Variants in ZNF280B observed in about 807,000 individuals in gnomAD.
The protein encoded by ZNF280B is zinc finger protein 280B, also known as suppressor of hairy wing homolog 2.
In ZNF280B, 16 loss-of-function variants were observed where a neutral mutation model predicts 38.0. The ratio of observed to expected loss-of-function variants is 0.42; its 90% CI spans 0.28 to 0.64. The LOEUF is 0.64. ZNF280B is among the 30% of genes least tolerant of loss of function. The pLI, the probability that ZNF280B is intolerant of heterozygous loss-of-function variation, is 0.21. For synonymous variants in ZNF280B, 253 were observed against 230.6 expected (o/e 1.10, Z -0.88); for missense variants, 581 against 639.6 (o/e 0.91, Z 0.99).
At position 22,489,023 on chromosome 22, in the gene ZNF280B, A is replaced by C; in HGVS notation, c.376T>G (p.Tyr126Asp). 6.2e-7 allele frequency: 1 copy of C among 1,613,836 alleles called. No individual in the cohort carries two copies. The highest frequency in any genetic ancestry group is 8.5e-7 in the Non-Finnish European group (1 of 1,179,954). The change falls in exon 4 of 4, where the codon TAT (tyrosine) becomes GAT (aspartate). Residue 126 changes from tyrosine (Y) to aspartate (D), a missense_variant. Physicochemically the swap from Tyr to Asp is radical, Grantham distance 160. Coordinates refer to ENST00000626650, the MANE Select transcript of ZNF280B (RefSeq NM_080764.4). ...IIIEPLSKPD[Y>D]RNSSPQVVPN... is the part of the protein sequence containing the mutation. ...ACAACTTGTGGTGAACTATTTCTAT[A>C]ATCAGGTTTAGACAAAGGCTCAATA...
chr22:22,492,587 T>C (rs2061616723), intron 3 of ZNF280B, among the ~76,000 whole-genome samples: 1 of 151,906 alleles, frequency 6.6e-6, no homozygotes. Flanking sequence ...TCTAACATCC[T>C]CTCTAAAGAA....
At position 22,488,493 on chromosome 22, in the gene ZNF280B, C is replaced by T. The variant is rs1483721058; in HGVS notation, c.906G>A (p.Lys302=). 4 of 1,613,772 alleles carry T rather than the reference C, an allele frequency of 2.5e-6. No individual in the cohort carries two copies. The highest frequency in any genetic ancestry group is 1.3e-5 in the African/African-American group (1 of 74,868). ...QHKGEGQPEQ[K]THTTFKCLSC... ...TGAGGCATTTAAAGGTGGTGTGAGT[C>T]TTCTGTTCCGGCTGCCCTTCTCCTT... The change falls in exon 4 of 4, where the codon AAG becomes AAA. Residue 302 remains lysine, a synonymous_variant. Coordinates refer to ENST00000626650, the MANE Select transcript of ZNF280B (RefSeq NM_080764.4).
chr22:22,508,645 G>A lies in ZNF280B; in HGVS notation c.-248+14C>T, dbSNP rs1255923693. 1 of 151,954 alleles carries A rather than the reference G, an allele frequency of 6.6e-6. No homozygotes were observed. The highest frequency in any genetic ancestry group is 1.5e-5 in the Non-Finnish European group (1 of 68,084). 9.4% of individuals were successfully genotyped at this position (151,954 alleles called of 1,614,324 possible). On this transcript the variant is annotated intron_variant, in intron 1 of 3. Coordinates refer to ENST00000626650, the MANE Select transcript of ZNF280B (RefSeq NM_080764.4). ...TCAGGGAACGCTGAAGCCGCGCCACGCCCCCGTCCTTACCAGTCCGGATCA... is the reference window on the plus strand; with the variant it reads ...TCAGGGAACGCTGAAGCCGCGCCACACCCCCGTCCTTACCAGTCCGGATCA...
chr22:22,491,457 C>CTTTTTTTTTTTTTTTTTTTT (rs55720546), intron 3 of ZNF280B, among the ~76,000 whole-genome samples: 1 of 113,980 alleles, frequency 8.8e-6, no homozygotes, highest in African/African-American at 3.0e-5. Context: ...TGTCTTTTTT[C>CTTTTTTTTTTTTTTTTTTTT]TTTTTTTTTT....
intron 2 of ZNF280B, among the ~76,000 whole-genome samples, chr22:22,498,867 G>A (rs546346632): frequency 1.6e-5 from 2 of 128,560 alleles, no homozygotes; most frequent in East Asian, 2.3e-4. Flanking sequence ...GCGTGATCTC[G>A]GCTCACTACA....
intron 2 of ZNF280B, among the ~76,000 whole-genome samples, chr22:22,498,792 C>CTTTTTTTT (rs1379100253): frequency 4.0e-5 from 2 of 50,470 alleles, no homozygotes; most frequent in Non-Finnish European, 7.1e-5. Context: ...AGGCCAATAT[C>CTTTTTTTT]CTTTTTTTTT....
chr22:22,504,647 C>T (rs561491989), intron 2 of ZNF280B, among the ~76,000 whole-genome samples: 2 of 152,048 alleles, frequency 1.3e-5, no homozygotes, highest in African/African-American at 4.8e-5. Context: ...CAAACATACA[C>T]ATTTGATGTT....
intron 2 of ZNF280B, among the ~76,000 whole-genome samples, chr22:22,500,647 G>A (rs2061797735): frequency 1.3e-5 from 2 of 151,890 alleles, no homozygotes; most frequent in African/African-American, 4.8e-5. Context: ...TCTGAGGTCA[G>A]GAGTTCGAGA....
chr22:22,507,516 A>G (rs1281137672), intron 2 of ZNF280B, among the ~76,000 whole-genome samples: 1 of 151,596 alleles, frequency 6.6e-6, no homozygotes, highest in Non-Finnish European at 1.5e-5. Context: ...GGTAGGATAA[A>G]AGGAGTCAGC....
At chr22:22,490,987 T>C (rs780380411) in intron 3 of ZNF280B, among the ~76,000 whole-genome samples, 1 of 151,862 alleles carries the variant, frequency 6.6e-6, no homozygotes, top group Non-Finnish European at 1.5e-5. Context: ...CAAAGCCCTA[T>C]CACCATTTAA....
chr22:22,504,045 GATTA>G (rs1300247770), intron 2 of ZNF280B, among the ~76,000 whole-genome samples: 1 of 151,944 alleles, frequency 6.6e-6, no homozygotes, highest in African/African-American at 2.4e-5. Flanking sequence ...CCAAATAACT[GATTA>G]ATTTACACAC....
chr22:22,486,586 TC>T lies in ZNF280B; in HGVS notation c.*1180del, dbSNP rs1171433630. On this transcript the variant is annotated 3_prime_UTR_variant, in exon 4 of 4. Coordinates refer to ENST00000626650, the MANE Select transcript of ZNF280B (RefSeq NM_080764.4). ...GGAATGAATCAAATTCACCTTTAGA[TC>T]ACAGAACAGGAAGTCAGCTAGTACC... is the stretch of plus-strand genomic sequence containing the variant. 1 of 152,280 alleles carries T rather than the reference TC, an allele frequency of 6.6e-6. No homozygotes were observed. The highest frequency in any genetic ancestry group is 1.5e-5 in the Non-Finnish European group (1 of 68,030). 9.4% of individuals were successfully genotyped at this position (152,280 alleles called of 1,614,324 possible).
At chr22:22,507,005 C>T (rs1239647963) in intron 2 of ZNF280B, among the ~76,000 whole-genome samples, 1 of 151,886 alleles carries the variant, frequency 6.6e-6, no homozygotes, top group African/African-American at 2.4e-5. Context: ...GAAATTAGGT[C>T]ATAAAGACTC....
In ZNF280B at chr22:22,489,266, T is replaced by C. The variant is rs766234371; in HGVS notation, c.133A>G (p.Ile45Val). 1 of 1,613,866 alleles carries C rather than the reference T, an allele frequency of 6.2e-7. No individual in the cohort carries two copies. Among genetic ancestry groups the C allele is most frequent in the South Asian group, 1.1e-5 (1 of 91,072 alleles). Residue 45 changes from isoleucine (I) to valine (V), a missense_variant, in exon 4 of 4, where the codon ATC becomes GTC. By Grantham distance (29) the Ile-to-Val change is conservative. Transcript: ENST00000626650. Reference protein sequence around the residue: ...VEHVNEDAELIFVGVTSNSKP... With the variant: ...VEHVNEDAELVFVGVTSNSKP... ...GAATTTGAAGTCACCCCAACAAAGA[T>C]TAGCTCAGCATCTTCATTTACATGT...
Position 22,488,825 on chromosome 22 carries a change from C to T in ZNF280B, c.574G>A (p.Asp192Asn), listed in dbSNP as rs2061538855. 1 of 1,613,802 alleles carries T rather than the reference C, an allele frequency of 6.2e-7. No individual in the cohort carries two copies. Residue 192 changes from aspartate to asparagine, a missense_variant, in exon 4 of 4, where the codon GAT becomes AAT. Transcript: ENST00000626650. ...GAAGAATTTCCTTCTATAATTCCAT[C>T]CCTGAGTTTAGCCCTTTTGGGATTT... Reference protein sequence around the residue: ...SINPKRAKLRDGIIEGNSSAS... With the variant: ...SINPKRAKLRNGIIEGNSSAS...
intron 3 of ZNF280B, among the ~76,000 whole-genome samples, chr22:22,490,959 T>C (rs963983259): frequency 6.6e-6 from 1 of 151,794 alleles, no homozygotes; most frequent in African/African-American, 2.4e-5. Context: ...TAATCTCTTT[T>C]CCCTTTTCTT....
chr22:22,489,618 TC>T (rs1485145089), intron 3 of ZNF280B, 152 bp from the exon 4 acceptor site: 1 of 508,474 alleles, frequency 2.0e-6, no homozygotes, highest in Non-Finnish European at 3.4e-6. Context: ...TGATAAAAGA[TC>T]AGGTTCCTAT....
intron 2 of ZNF280B, among the ~76,000 whole-genome samples, chr22:22,499,495 G>T (rs942243647): frequency 2.0e-5 from 3 of 151,040 alleles, no homozygotes; most frequent in African/African-American, 7.3e-5. Context: ...TCGAACTCCC[G>T]ACCTCAGGTG....
At chr22:22,504,756 T>C (rs938080052) in intron 2 of ZNF280B, among the ~76,000 whole-genome samples, 6 of 151,908 alleles carry the variant, frequency 3.9e-5, no homozygotes, top group Non-Finnish European at 8.8e-5. Flanking sequence ...AGAGAAATTA[T>C]ACAGGAATGA....
Sources: allele counts gnomAD v4.1 joint callset (sites outside exome capture counted in the v4.1 genomes callset), GRCh38; gene constraint gnomAD v4.1.1; transcripts MANE v1.5; gene names NCBI Gene and HGNC (gene_info 2026-07-23, HGNC 2026-07-21).